Variants in RABGAP1L observed in about 807,000 individuals in gnomAD.
RABGAP1L encodes the protein rab GTPase-activating protein 1-like.
In RABGAP1L, 63 loss-of-function variants were observed where a neutral mutation model predicts 137.7. The ratio of observed to expected loss-of-function variants is 0.46; its 90% confidence interval spans 0.37 to 0.56. The LOEUF (loss-of-function observed/expected upper bound fraction) is 0.56, where lower values mean the gene tolerates loss of function less well. Ranked by LOEUF, RABGAP1L falls within the 20% of genes least tolerant of loss-of-function variation. RABGAP1L has a pLI of 0.00. For missense variants in RABGAP1L, 1,095 were observed against 1,244.0 expected, an observed-to-expected ratio of 0.88 and a Z score of 1.80; for synonymous variants, 431 against 433.7, an observed-to-expected ratio of 0.99 and a Z score of 0.08.
At chr1:174,365,647 G>A (rs980713546) in intron 11 of RABGAP1L, among the ~76,000 whole-genome samples, 1 of 152,166 alleles carries the variant, frequency 6.6e-6, no homozygotes, top group Non-Finnish European at 1.5e-5. Context: ...TCCCCCAGTT[G>A]CTGTGTTCCT....
At chr1:174,479,385 G>A (rs1002381638) in intron 13 of RABGAP1L, among the ~76,000 whole-genome samples, 3 of 152,178 alleles carry the variant, frequency 2.0e-5, no homozygotes, top group Non-Finnish European at 2.9e-5. Context: ...AAATTTACAC[G>A]CTTGGGCTCC....
At chr1:174,871,899 A>G (rs1187566060) in intron 19 of RABGAP1L, among the ~76,000 whole-genome samples, 1 of 152,260 alleles carries the variant, frequency 6.6e-6, no homozygotes, top group Non-Finnish European at 1.5e-5. Context: ...GTGAATGCTT[A>G]CAAGCACTTG....
At chr1:174,790,629 A>AG (rs901692783) in intron 18 of RABGAP1L, among the ~76,000 whole-genome samples, 3 of 151,572 alleles carry the variant, frequency 2.0e-5, no homozygotes, top group Non-Finnish European at 4.4e-5. Flanking sequence ...AGTGAAAAAA[A>AG]AAAAGAAAAG....
intron 1 of RABGAP1L, among the ~76,000 whole-genome samples, chr1:174,214,727 AAC>A (rs1669153057): frequency 6.6e-6 from 1 of 152,178 alleles, no homozygotes; most frequent in Non-Finnish European, 1.5e-5. Context: ...CTAAGAACAT[AAC>A]ACTGGGGAAA....
chr1:174,812,930 C>CT (rs1246063034), intron 19 of RABGAP1L, among the ~76,000 whole-genome samples: 2 of 152,138 alleles, frequency 1.3e-5, no homozygotes, highest in Admixed American at 6.6e-5. Context: ...TGCCTCATGC[C>CT]TGGGTGGGCT....
At chr1:174,334,243 C>T (rs574600577) in intron 11 of RABGAP1L, among the ~76,000 whole-genome samples, 2 of 152,310 alleles carry the variant, frequency 1.3e-5, no homozygotes, top group South Asian at 4.1e-4. Flanking sequence ...TAAGTGGCGG[C>T]TTTTAGGCTC....
chr1:174,747,884 T>C (rs332778), intron 17 of RABGAP1L, among the ~76,000 whole-genome samples: 1 of 146,786 alleles, frequency 6.8e-6, no homozygotes, highest in African/African-American at 2.6e-5. Flanking sequence ...TTTTTTTTTT[T>C]AATATATGTC....
At chr1:174,842,204 C>T (rs1573454685) in intron 19 of RABGAP1L, among the ~76,000 whole-genome samples, 2 of 152,276 alleles carry the variant, frequency 1.3e-5, no homozygotes, top group Middle Eastern at 3.4e-3. Context: ...CTACAAATGC[C>T]TCCTTCCGTC....
chr1:174,241,107 G>A (rs1038662860), intron 4 of RABGAP1L, among the ~76,000 whole-genome samples: 4 of 152,126 alleles, frequency 2.6e-5, no homozygotes, highest in Non-Finnish European at 5.9e-5. Context: ...GTCACCTGTG[G>A]TCAGGAGTTC....
At chr1:174,769,149 A>G (rs769796538) in intron 18 of RABGAP1L, among the ~76,000 whole-genome samples, 34 of 152,316 alleles carry the variant, frequency 2.2e-4, no homozygotes, top group South Asian at 1.0e-3. Context: ...TTTGCAGGTG[A>G]TGGAATTATT....
chr1:174,635,569 A>G (rs1265783851), intron 13 of RABGAP1L, among the ~76,000 whole-genome samples: 2 of 152,196 alleles, frequency 1.3e-5, no homozygotes, highest in South Asian at 2.1e-4. Flanking sequence ...CTTTATCATT[A>G]GAAACTACAT....
At chr1:174,529,947 T>C (rs2147882010) in intron 13 of RABGAP1L, among the ~76,000 whole-genome samples, 1 of 152,222 alleles carries the variant, frequency 6.6e-6, no homozygotes, top group East Asian at 2.0e-4. Context: ...CAGACTCTGC[T>C]CTGGCATGGA....
chr1:174,496,013 C>G (rs559891972), intron 13 of RABGAP1L, among the ~76,000 whole-genome samples: 86 of 152,272 alleles, frequency 5.6e-4, no homozygotes, highest in Non-Finnish European at 1.1e-3. Context: ...GCCACCACAT[C>G]CAGCCAAGAC....
intron 19 of RABGAP1L, among the ~76,000 whole-genome samples, chr1:174,859,814 T>TG (rs1649967520): frequency 6.6e-6 from 1 of 151,698 alleles, no homozygotes; most frequent in Non-Finnish European, 1.5e-5. Context: ...GTAACAAACC[T>TG]GCACATCCTA....
intron 11 of RABGAP1L, among the ~76,000 whole-genome samples, chr1:174,328,718 C>G (rs553424301): frequency 1.1e-4 from 17 of 151,966 alleles, no homozygotes; most frequent in African/African-American, 3.9e-4. Context: ...TGCAGTGAGC[C>G]GAGATCATGC....
chr1:174,776,300 G>A (rs960163524), intron 18 of RABGAP1L, among the ~76,000 whole-genome samples: 3 of 152,082 alleles, frequency 2.0e-5, no homozygotes, highest in South Asian at 2.1e-4. Context: ...CTTGAACCCC[G>A]GTGGGTGGAG....
At chr1:174,818,052 A>G (rs1244593486) in intron 19 of RABGAP1L, among the ~76,000 whole-genome samples, 1 of 152,244 alleles carries the variant, frequency 6.6e-6, no homozygotes, top group Non-Finnish European at 1.5e-5. Context: ...TCCACAACTC[A>G]TATCCAAGTA....
chr1:174,884,220 G>A (rs942884045), intron 19 of RABGAP1L, among the ~76,000 whole-genome samples: 1 of 152,192 alleles, frequency 6.6e-6, no homozygotes, highest in East Asian at 1.9e-4. Flanking sequence ...CAAAGGAAGG[G>A]AGCTCTTTCT....
chr1:174,567,231 T>C (rs1334917274), intron 13 of RABGAP1L, among the ~76,000 whole-genome samples: 1 of 152,182 alleles, frequency 6.6e-6, no homozygotes, highest in Admixed American at 6.5e-5. Context: ...TCTTTATGAA[T>C]TTGCCTATTC....
Sources: gnomAD v4.1 joint callset for allele counts (sites outside exome capture counted in the v4.1 genomes callset) on GRCh38, gnomAD v4.1.1 for gene constraint, MANE v1.5 for transcripts, NCBI Gene and HGNC (gene_info 2026-07-23, HGNC 2026-07-21) for gene names.